The following TAFA5 variants were observed in gnomAD, a reference collection of about 807,000 sequenced individuals.
TAFA5 encodes TAFA chemokine like family member 5, also known as chemokine-like protein TAFA-5.
TAFA5 carries 6 observed loss-of-function variants against 15.3 expected under a neutral mutation model. The ratio of observed to expected loss-of-function variants is 0.39; its 90% CI spans 0.21 to 0.77. The LOEUF (loss-of-function observed/expected upper bound fraction) is 0.77. TAFA5 is among the 30% of genes least tolerant of loss of function. The pLI, the probability that TAFA5 is intolerant of heterozygous loss-of-function variation, is 0.41. For missense variants in TAFA5, 161 were observed against 193.1 expected (o/e 0.83, Z 0.98); for synonymous variants, 103 against 80.7 (o/e 1.28, Z -1.48).
intron 1 of TAFA5, among the ~76,000 whole-genome samples, chr22:48,586,383 C>G (rs1924361793): frequency 6.6e-6 from 1 of 152,256 alleles, no homozygotes; most frequent in African/African-American, 2.4e-5. Flanking sequence ...GACGAGGAAG[C>G]CCCACCTGCA....
intron 2 of TAFA5, among the ~76,000 whole-genome samples, chr22:48,661,301 T>A (rs762841023): frequency 2.0e-5 from 3 of 152,192 alleles, no homozygotes; most frequent in Non-Finnish European, 2.9e-5. Context: ...ACGTCTTGCC[T>A]GCTGGAACCT....
In TAFA5 at chr22:48,567,850, C is replaced by T. The variant is rs532111916; in HGVS notation, c.112+78146C>T. Among the ~76,000 whole-genome samples the T allele has an allele frequency of 2.0e-5, 3 of 152,310 alleles. No individual in the cohort carries two copies. In the South Asian group the frequency reaches 6.2e-4, roughly 32 times the overall value. On this transcript the variant is annotated intron_variant, in intron 1 of 3. Transcript: ENST00000402357. ...CTCACAGGATGATGGTCAAGAAGGGCATCCCTGGCTGAGGCTCAGCCCATG... is the reference window on the plus strand; with the variant it reads ...CTCACAGGATGATGGTCAAGAAGGGTATCCCTGGCTGAGGCTCAGCCCATG...
At chr22:48,609,227 G>A (rs1031507733) in intron 1 of TAFA5, among the ~76,000 whole-genome samples, 1 of 152,228 alleles carries the variant, frequency 6.6e-6, no homozygotes, top group Non-Finnish European at 1.5e-5. Context: ...GTTCCTGGGT[G>A]AGGCCTGAAG....
At chr22:48,553,017 T>C (rs1333080724) in intron 1 of TAFA5, among the ~76,000 whole-genome samples, 1 of 152,128 alleles carries the variant, frequency 6.6e-6, no homozygotes, top group African/African-American at 2.4e-5. Flanking sequence ...GCTCATTCAT[T>C]CATGCATCTT....
At chr22:48,653,829 A>T (rs1927140624) in intron 2 of TAFA5, among the ~76,000 whole-genome samples, 1 of 152,006 alleles carries the variant, frequency 6.6e-6, no homozygotes, top group South Asian at 2.1e-4. Context: ...AGGGTGAAGG[A>T]GAGGAGACCC....
intron 1 of TAFA5, among the ~76,000 whole-genome samples, chr22:48,545,980 C>T (rs967998757): frequency 3.3e-5 from 5 of 152,022 alleles, no homozygotes; most frequent in African/African-American, 1.2e-4. Context: ...GCAGGTCCCA[C>T]CCAAGGGAGC....
chr22:48,548,680 C>T (rs1322674099), intron 1 of TAFA5, among the ~76,000 whole-genome samples: 1 of 152,260 alleles, frequency 6.6e-6, no homozygotes, highest in Non-Finnish European at 1.5e-5. Context: ...AACCACATCA[C>T]TGCCAGCCCC....
intron 1 of TAFA5, among the ~76,000 whole-genome samples, chr22:48,513,532 C>G (rs1921299092): frequency 1.3e-5 from 2 of 152,330 alleles, no homozygotes; most frequent in African/African-American, 4.8e-5. Flanking sequence ...GCAGTGTGAC[C>G]AGACCCATTT....
At chr22:48,586,490 G>A (rs943482920) in intron 1 of TAFA5, among the ~76,000 whole-genome samples, 6 of 152,322 alleles carry the variant, frequency 3.9e-5, no homozygotes, top group Middle Eastern at 3.4e-3. Flanking sequence ...GGACTTCCAC[G>A]GGGGTCCCCT....
intron 1 of TAFA5, among the ~76,000 whole-genome samples, chr22:48,558,530 GT>G (rs1219723136): frequency 1.3e-5 from 2 of 152,170 alleles, no homozygotes; most frequent in Admixed American, 6.5e-5. Flanking sequence ...TCCTGTGGGT[GT>G]TTGCCACGGT....
intron 1 of TAFA5, among the ~76,000 whole-genome samples, chr22:48,563,695 C>A (rs557562684): frequency 6.6e-6 from 1 of 152,224 alleles, no homozygotes; most frequent in Non-Finnish European, 1.5e-5. Flanking sequence ...GCAATGGTCA[C>A]GGTGCCTGTT....
chr22:48,493,822 A>AC (rs1243912647), intron 1 of TAFA5, among the ~76,000 whole-genome samples: 3 of 152,012 alleles, frequency 2.0e-5, no homozygotes, highest in Non-Finnish European at 2.9e-5. Flanking sequence ...TTCCGAAGGG[A>AC]CCCCTGGGGG....
intron 1 of TAFA5, among the ~76,000 whole-genome samples, chr22:48,640,083 G>A (rs1048312869): frequency 1.3e-4 from 20 of 152,220 alleles, no homozygotes; most frequent in Admixed American, 9.8e-4. Flanking sequence ...TCCAGCCCCT[G>A]CCTCGCTGTG....
chr22:48,540,029 G>C (rs918941733), intron 1 of TAFA5, among the ~76,000 whole-genome samples: 5 of 152,152 alleles, frequency 3.3e-5, no homozygotes, highest in Non-Finnish European at 5.9e-5. Flanking sequence ...AGTGGAACTG[G>C]GGGCCTGGGA....
intron 1 of TAFA5, among the ~76,000 whole-genome samples, chr22:48,587,687 C>T (rs1924410578): frequency 6.6e-6 from 1 of 152,224 alleles, no homozygotes; most frequent in South Asian, 2.1e-4. Flanking sequence ...CTCTCTGGCC[C>T]TCAGGGCAGG....
intron 1 of TAFA5, among the ~76,000 whole-genome samples, chr22:48,508,547 G>A: frequency 6.6e-6 from 1 of 152,168 alleles, no homozygotes; most frequent in African/African-American, 2.4e-5. Context: ...CCACGTATGG[G>A]GCCCTGGAGA....
chr22:48,532,769 G>A (rs1191544430), intron 1 of TAFA5, among the ~76,000 whole-genome samples: 1 of 152,218 alleles, frequency 6.6e-6, no homozygotes, highest in African/African-American at 2.4e-5. Context: ...ACTTCTGCCT[G>A]AAATCTTTCA....
At chr22:48,508,647 T>C (rs1268603261) in intron 1 of TAFA5, among the ~76,000 whole-genome samples, 2 of 152,154 alleles carry the variant, frequency 1.3e-5, no homozygotes, top group Non-Finnish European at 2.9e-5. Flanking sequence ...CTAACTGCAG[T>C]TGCCCCACAG....
intron 2 of TAFA5, among the ~76,000 whole-genome samples, chr22:48,655,134 C>T (rs1927189670): frequency 6.6e-6 from 1 of 152,258 alleles, no homozygotes; most frequent in Non-Finnish European, 1.5e-5. Context: ...CCCCAGGGTC[C>T]TTCAGCAGCA....
Sources: allele counts gnomAD v4.1 joint callset (sites outside exome capture counted in the v4.1 genomes callset), GRCh38; gene constraint gnomAD v4.1.1; transcripts MANE v1.5; gene names NCBI Gene and HGNC (gene_info 2026-07-23, HGNC 2026-07-21).